ENOX1: variants seen among roughly 807,000 people sequenced by gnomAD.
The protein encoded by ENOX1 is ecto-NOX disulfide-thiol exchanger 1.
ENOX1 carries 42 observed loss-of-function variants against 82.5 expected under a neutral mutation model. The observed-to-expected ratio is 0.51, with a 90% CI of 0.40 to 0.66. ENOX1 has a LOEUF of 0.66. Ranked by LOEUF, ENOX1 falls within the 30% of genes least tolerant of loss-of-function variation. The probability of loss-of-function intolerance (pLI) is 0.00; values close to 1 mark genes in which losing one functional copy is unlikely to be tolerated. For missense variants in ENOX1, 608 were observed against 811.6 expected, an observed-to-expected ratio of 0.75 and a Z score of 3.05; for synonymous variants, 271 against 282.2, an observed-to-expected ratio of 0.96 and a Z score of 0.40.
At chr13:43,757,031 A>T (rs1257778959) in intron 1 of ENOX1, among the ~76,000 whole-genome samples, 1 of 151,848 alleles carries the variant, frequency 6.6e-6, no homozygotes, top group African/African-American at 2.4e-5. Context: ...TCGTTAATCC[A>T]ATTTCTTAAC....
intron 1 of ENOX1, among the ~76,000 whole-genome samples, chr13:43,690,294 AG>A (rs1775670523): frequency 6.6e-6 from 1 of 151,580 alleles, no homozygotes; most frequent in African/African-American, 2.4e-5. Flanking sequence ...GATTAAAAAA[AG>A]CTGCCCAGGA....
chr13:43,230,335 G>C (rs1010767364), intron 15 of ENOX1, among the ~76,000 whole-genome samples: 1 of 152,116 alleles, frequency 6.6e-6, no homozygotes, highest in African/African-American at 2.4e-5. Flanking sequence ...GGAGGGAATG[G>C]TGACTGTGAG....
intron 5 of ENOX1, among the ~76,000 whole-genome samples, chr13:43,402,646 GAAATA>G (rs1162394048): frequency 6.6e-6 from 1 of 152,138 alleles, no homozygotes; most frequent in Non-Finnish European, 1.5e-5. Flanking sequence ...ATAATAAAAG[GAAATA>G]AAAGCAAACA....
intron 3 of ENOX1, among the ~76,000 whole-genome samples, chr13:43,416,925 A>G (rs1408139737): frequency 6.6e-6 from 1 of 152,118 alleles, no homozygotes; most frequent in Non-Finnish European, 1.5e-5. Context: ...GGCAACATTG[A>G]GCATTGAGTG....
chr13:43,369,758 C>T (rs2051094948), intron 5 of ENOX1, among the ~76,000 whole-genome samples: 1 of 152,208 alleles, frequency 6.6e-6, no homozygotes, highest in Non-Finnish European at 1.5e-5. Context: ...TCTTAAAGTT[C>T]CTGTTCCTTC....
intron 14 of ENOX1, among the ~76,000 whole-genome samples, chr13:43,252,884 AG>A (rs930295574): frequency 1.3e-5 from 2 of 152,164 alleles, no homozygotes; most frequent in African/African-American, 4.8e-5. Context: ...CAGCAAGGGA[AG>A]GGGGGATCTC....
intron 12 of ENOX1, among the ~76,000 whole-genome samples, chr13:43,282,319 T>G (rs1230659027): frequency 2.0e-5 from 3 of 152,164 alleles, no homozygotes; most frequent in Non-Finnish European, 4.4e-5. Flanking sequence ...TGGCCTATAA[T>G]TTTTTGATTT....
chr13:43,571,546 C>T (rs983096792), intron 2 of ENOX1, among the ~76,000 whole-genome samples: 5 of 151,744 alleles, frequency 3.3e-5, no homozygotes, highest in East Asian at 1.9e-4. Context: ...CAAAATTAGC[C>T]GGGCGTGGTA....
At position 43,752,352 on chromosome 13, in the gene ENOX1, T is replaced by C. The variant is rs74592452; in HGVS notation, c.-285+34300A>G. Among the ~76,000 whole-genome samples the C allele has an allele frequency of 4.6e-5, 7 of 152,228 alleles. No homozygotes were observed. The East Asian group carries it at 7.7e-4, about 17-fold the overall frequency. On this transcript the variant is annotated intron_variant, in intron 1 of 16. Coordinates refer to ENST00000690772, the MANE Select transcript of ENOX1 (RefSeq NM_001347969.2). ...GTTTATCTTTGCATTCTCTTAGTAC[T>C]ATCTTTTGATGAGCAGAAATTTTTG...
At chr13:43,522,615 C>T (rs918463393) in intron 2 of ENOX1, among the ~76,000 whole-genome samples, 3 of 152,074 alleles carry the variant, frequency 2.0e-5, no homozygotes, top group African/African-American at 7.2e-5. Flanking sequence ...TGTAGAAGCC[C>T]TTCGAGGATC....
chr13:43,773,646 T>C (rs1194085507), intron 1 of ENOX1, among the ~76,000 whole-genome samples: 1 of 152,230 alleles, frequency 6.6e-6, no homozygotes, highest in African/African-American at 2.4e-5. Flanking sequence ...TAAATTACTC[T>C]TCCATATAAG....
intron 2 of ENOX1, among the ~76,000 whole-genome samples, chr13:43,570,167 A>C (rs1052059775): frequency 8.5e-5 from 13 of 152,186 alleles, no homozygotes; most frequent in Non-Finnish European, 1.6e-4. Flanking sequence ...AGCAGACTGC[A>C]TTGTGAGATG....
At chr13:43,252,233 C>T (rs1022882630) in intron 14 of ENOX1, among the ~76,000 whole-genome samples, 1 of 152,186 alleles carries the variant, frequency 6.6e-6, no homozygotes, top group Non-Finnish European at 1.5e-5. Flanking sequence ...AGCATCACGG[C>T]CACAAGTCTC....
chr13:43,752,987 G>C (rs751999949), intron 1 of ENOX1, among the ~76,000 whole-genome samples: 2 of 146,354 alleles, frequency 1.4e-5, no homozygotes, highest in African/African-American at 2.4e-5. Flanking sequence ...AGCCTTCTGA[G>C]TAGCTGGGAT....
intron 1 of ENOX1, among the ~76,000 whole-genome samples, chr13:43,729,879 T>C (rs2089229465): frequency 6.6e-6 from 1 of 152,210 alleles, no homozygotes; most frequent in East Asian, 1.9e-4. Flanking sequence ...AATTTTAGTA[T>C]ATGTGCTGCC....
chr13:43,283,173 T>C (rs185765238), intron 12 of ENOX1, among the ~76,000 whole-genome samples: 1 of 152,254 alleles, frequency 6.6e-6, no homozygotes, highest in African/African-American at 2.4e-5. Context: ...CCTATTGAAA[T>C]TTGTCTGTAT....
intron 3 of ENOX1, among the ~76,000 whole-genome samples, chr13:43,429,199 G>C (rs1322755765): frequency 3.3e-5 from 5 of 152,174 alleles, no homozygotes; most frequent in Non-Finnish European, 5.9e-5. Flanking sequence ...AGTCATTGGA[G>C]AGGCTAACGT....
At chr13:43,602,345 A>T (rs535670216) in intron 2 of ENOX1, among the ~76,000 whole-genome samples, 2 of 152,154 alleles carry the variant, frequency 1.3e-5, no homozygotes, top group African/African-American at 2.4e-5. Context: ...AGATATAAAC[A>T]GGCAACTCAC....
intron 2 of ENOX1, among the ~76,000 whole-genome samples, chr13:43,569,648 G>A (rs1741073883): frequency 7.8e-6 from 1 of 128,932 alleles, no homozygotes; most frequent in African/African-American, 2.9e-5. Context: ...AATATAAAGG[G>A]CAAGCTCCTT....
Sources: allele counts gnomAD v4.1 joint callset (sites outside exome capture counted in the v4.1 genomes callset), GRCh38; gene constraint gnomAD v4.1.1; transcripts MANE v1.5; gene names NCBI Gene and HGNC (gene_info 2026-07-23, HGNC 2026-07-21).